Variants in NBEAL1 observed in about 807,000 individuals in gnomAD.
The protein encoded by NBEAL1 is neurobeachin like 1, also known as neurobeachin-like protein 1.
In NBEAL1, 273 loss-of-function variants were observed where a neutral mutation model predicts 351.3. The ratio of observed to expected loss-of-function variants is 0.78; its 90% CI spans 0.70 to 0.86. NBEAL1 has a LOEUF of 0.86. NBEAL1 is among the 40% of genes least tolerant of loss of function. The pLI, the probability that NBEAL1 is intolerant of heterozygous loss-of-function variation, is 0.00. For missense variants in NBEAL1, 2,961 were observed against 3,201.3 expected, an observed-to-expected ratio of 0.92 and a Z score of 1.81; for synonymous variants, 1,050 against 1,086.4, an observed-to-expected ratio of 0.97 and a Z score of 0.66.
rs760384980 is a variant in NBEAL1 at position 203,112,128 on chromosome 2, C to T, written c.2202+30C>T. On this transcript the variant is annotated intron_variant, in intron 16 of 55. Transcript: ENST00000683969. ...GTATATCCAACCTACTCTTTACGGG[C>T]CCTATTGGTTGAGAATTCTTGAAAT... The T allele has an allele frequency of 2.2e-5, 33 of 1,529,596 alleles. No homozygotes were observed. The South Asian group carries it at 4.0e-4, about 19-fold the overall frequency. 94.8% of individuals were successfully genotyped at this position (1,529,596 alleles called of 1,614,324 possible).
intron 6 of NBEAL1, chr2:203,061,649 G>A (rs1193496039): frequency 2.6e-5 from 4 of 156,750 alleles, no homozygotes; most frequent in Non-Finnish European, 5.7e-5. Flanking sequence ...ACATCTATAG[G>A]GTTTCTCTCC....
chr2:203,044,430 A>C (rs2061194086), intron 3 of NBEAL1, among the ~76,000 whole-genome samples: 1 of 152,176 alleles, frequency 6.6e-6, no homozygotes, highest in Non-Finnish European at 1.5e-5. Flanking sequence ...TGAGCCTTTA[A>C]ATGTTTGGAA....
intron 19 of NBEAL1, among the ~76,000 whole-genome samples, 160 bp downstream of exon 19, chr2:203,122,503 A>G (rs1324126155): frequency 6.6e-6 from 1 of 152,218 alleles, no homozygotes; most frequent in Non-Finnish European, 1.5e-5. Flanking sequence ...TGCAAAGTTA[A>G]ATGACTAACA....
chr2:203,199,544 A>ATTT (rs373868583), intron 49 of NBEAL1, 97 bp downstream of exon 49: 55 of 479,600 alleles, frequency 1.1e-4, no homozygotes, highest in South Asian at 1.9e-4. Context: ...TGAAAGAAAT[A>ATTT]TTTTTTTTTT....
rs114396458 is a variant in NBEAL1, at chr2:203,019,176, C to G, written c.51+2741C>G. ...TCTCTTCTGGTATCTGGAAACTGACCGAACAGAGGCCTGATTGATTTGGGT... is the reference window on the plus strand; with the variant it reads ...TCTCTTCTGGTATCTGGAAACTGACGGAACAGAGGCCTGATTGATTTGGGT... On this transcript the variant is annotated intron_variant, in intron 2 of 55. Coordinates refer to ENST00000683969, the MANE Select transcript of NBEAL1 (RefSeq NM_001378026.1). Among the ~76,000 whole-genome samples the G allele has an allele frequency of 6.7e-3, 1,026 of 152,150 alleles. 15 individuals carry two copies. Among genetic ancestry groups the G allele is most frequent in the Admixed American group, 0.028 (431 of 15,272 alleles).
rs377763585 is a variant in NBEAL1, at chr2:203,078,434, A to G, written c.684+597A>G. On this transcript the variant is annotated intron_variant, in intron 8 of 55. Coordinates refer to ENST00000683969, the MANE Select transcript of NBEAL1 (RefSeq NM_001378026.1). ...TGGCTCACTGCAACCTCTGCCTCCC[A>G]GGTTCAAGCAATCCTCCCACTTCAG... Among the ~76,000 whole-genome samples, 127 of 152,260 alleles carry G rather than the reference A, an allele frequency of 8.3e-4. 3 individuals are homozygous for G. The South Asian group carries it at 0.026, about 31-fold the overall frequency.
chr2:203,190,224 C>G (rs141724784), intron 45 of NBEAL1, 68 bp from the exon 46 acceptor site: 2 of 889,398 alleles, frequency 2.2e-6, no homozygotes. Context: ...GAGCCTGATA[C>G]ATTAATCAGT....
At chr2:203,129,188 C>G (rs531557821) in intron 24 of NBEAL1, among the ~76,000 whole-genome samples, 1 of 151,954 alleles carries the variant, frequency 6.6e-6, no homozygotes, top group Non-Finnish European at 1.5e-5. Flanking sequence ...TTTGCATGTA[C>G]GCTTTTGGAA....
rs1244046665 is a variant in NBEAL1 at position 203,034,548 on chromosome 2, TC to T, written c.52-7214del. The stretch of plus-strand genomic sequence containing the variant: ...ATCTCGGCTCACTGAAACCTCCACC[TC>T]CCATGTTCAAGCAACTCTCCTGCCT... On this transcript the variant is annotated intron_variant, in intron 2 of 55. Transcript: ENST00000683969. 1.7e-4 allele frequency among the ~76,000 whole-genome samples: 24 copies of T among 140,458 alleles called. 4 individuals are homozygous for T. The highest frequency in any genetic ancestry group is 2.3e-4 in the South Asian group (1 of 4,284). 92.1% of individuals were successfully genotyped at this position (140,458 alleles called of 152,430 possible). A position where few individuals can be genotyped will look rare whatever the true frequency, so the allele number is the denominator to read the frequency against.
intron 30 of NBEAL1, 40 bp from the exon 31 acceptor site, chr2:203,138,580 C>A: frequency 6.5e-7 from 1 of 1,546,402 alleles, no homozygotes; most frequent in Non-Finnish European, 8.7e-7. Context: ...AATTGAAAAA[C>A]TGAATGTTTT....
intron 2 of NBEAL1, among the ~76,000 whole-genome samples, chr2:203,025,791 A>G (rs1245871002): frequency 6.6e-6 from 1 of 151,972 alleles, no homozygotes; most frequent in African/African-American, 2.4e-5. Context: ...TGGTTTCTCT[A>G]TCCTCAGGGA....
At position 203,035,556 on chromosome 2, in the gene NBEAL1, G is replaced by A. The variant is rs1227896627; in HGVS notation, c.52-6209G>A. ...CAAAGTCTATATTATAATAATTGTG[G>A]TAACCAACATGTTTTGAGCATTTGC... is the stretch of plus-strand genomic sequence containing the variant. On this transcript the variant is annotated intron_variant, in intron 2 of 55. Coordinates refer to ENST00000683969, the MANE Select transcript of NBEAL1 (RefSeq NM_001378026.1). Among the ~76,000 whole-genome samples, 3 of 149,210 alleles carry A rather than the reference G, an allele frequency of 2.0e-5. No homozygotes were observed. The Admixed American group carries it at 2.0e-4, about 10-fold the overall frequency.
chr2:203,144,726 A>C lies in NBEAL1; in HGVS notation c.4975A>C (p.Thr1659Pro), dbSNP rs201053390. 6.8e-5 allele frequency: 109 copies of C among 1,614,176 alleles called. 2 individuals carry two copies. The South Asian group carries it at 1.2e-3, about 17-fold the overall frequency. Reference protein sequence around the residue: ...HVLSQSIKEQTEIYSFLIPLV... With the variant: ...HVLSQSIKEQPEIYSFLIPLV... ...TCTAAGTCAATCAATCAAGGAACAG[A>C]CTGAAATCTACTCATTTCTGATTCC... is the stretch of plus-strand genomic sequence containing the variant. The change falls in exon 32 of 56, where the codon ACT (threonine) becomes CCT (proline). Residue 1659 changes from threonine (T) to proline (P), a missense_variant. Thr to Pro is a conservative substitution (Grantham distance 38, BLOSUM62 -1). Transcript: ENST00000683969.
At chr2:203,122,858 G>T (rs970033574) in intron 19 of NBEAL1, among the ~76,000 whole-genome samples, 3 of 152,078 alleles carry the variant, frequency 2.0e-5, no homozygotes, top group African/African-American at 7.2e-5. Flanking sequence ...TAGTCCAAAA[G>T]AACTTTGAAG....
At chr2:203,164,337 A>AT (rs761573962) in intron 36 of NBEAL1, among the ~76,000 whole-genome samples, 46 of 151,642 alleles carry the variant, frequency 3.0e-4, no homozygotes, top group Non-Finnish European at 4.7e-4. Flanking sequence ...TAGTTCAGTA[A>AT]TTTTTTTTAG....
At chr2:203,081,250 A>T (rs1035784835) in intron 8 of NBEAL1, among the ~76,000 whole-genome samples, 1 of 152,228 alleles carries the variant, frequency 6.6e-6, no homozygotes, top group African/African-American at 2.4e-5. Flanking sequence ...AAAGCATCAT[A>T]TCTGGGCTTC....
At chr2:203,164,836 G>A (rs916417234) in intron 36 of NBEAL1, among the ~76,000 whole-genome samples, 7 of 150,882 alleles carry the variant, frequency 4.6e-5, no homozygotes, top group Non-Finnish European at 8.8e-5. Context: ...ATAACATTCT[G>A]TGAGTGGTAG....
intron 43 of NBEAL1, among the ~76,000 whole-genome samples, chr2:203,180,781 A>G (rs1298575276): frequency 2.6e-5 from 4 of 152,028 alleles, no homozygotes; most frequent in Non-Finnish European, 5.9e-5. Flanking sequence ...ACCATATGCT[A>G]TTTCAGCTAT....
In NBEAL1 at chr2:203,190,479, A is replaced by G. The variant is rs1231552973; in HGVS notation, c.6921+90A>G. ...AATATTGCAGTCAAGATCCATGTAT[A>G]TAGCCAGTTACTCTCAGTCACAGAA... On this transcript the variant is annotated intron_variant, in intron 46 of 55. Transcript: ENST00000683969. 1.5e-5 allele frequency: 13 copies of G among 885,420 alleles called. No homozygotes were observed. The South Asian group carries it at 1.8e-4, about 12-fold the overall frequency. The allele number at this position is 885,420 out of a possible 1,614,324, so 54.8% of individuals were successfully genotyped here. A position where few individuals can be genotyped will look rare whatever the true frequency, so the allele number is the denominator to read the frequency against.
Sources: allele counts gnomAD v4.1 joint callset (sites outside exome capture counted in the v4.1 genomes callset), GRCh38; gene constraint gnomAD v4.1.1; transcripts MANE v1.5; gene names NCBI Gene and HGNC (gene_info 2026-07-23, HGNC 2026-07-21).